Variants in TENM3 observed in about 807,000 individuals in gnomAD.
TENM3 encodes teneurin-3.
A neutral mutation model predicts 255.1 loss-of-function variants in TENM3; 63 were observed. The ratio of observed to expected loss-of-function variants is 0.25; its 90% CI spans 0.20 to 0.30. The LOEUF is 0.30. Ranked by LOEUF, TENM3 falls within the 10% of genes least tolerant of loss-of-function variation. The pLI, the probability that TENM3 is intolerant of heterozygous loss-of-function variation, is 1.00. For missense variants in TENM3, 2,929 were observed against 3,461.1 expected, an observed-to-expected ratio of 0.85 and a Z score of 3.86; for synonymous variants, 1,306 against 1,322.3, an observed-to-expected ratio of 0.99 and a Z score of 0.27.
intron 1 of TENM3, among the ~76,000 whole-genome samples, chr4:182,316,352 G>A (rs767372675): frequency 6.6e-6 from 1 of 151,988 alleles, no homozygotes; most frequent in Non-Finnish European, 1.5e-5. Context: ...GCCCAGTGAA[G>A]TATGAATTTT....
At chr4:182,245,066 C>T (rs907437480) in intron 1 of TENM3, among the ~76,000 whole-genome samples, 3 of 152,076 alleles carry the variant, frequency 2.0e-5, no homozygotes, top group Admixed American at 6.5e-5. Flanking sequence ...TCAAAACAAT[C>T]GAGTGTTAGG....
the TENM3 span, among the ~76,000 whole-genome samples, chr4:181,536,279 C>T: frequency 6.1e-3 from 936 of 152,214 alleles, 6 homozygotes; most frequent in African/African-American, 0.021. Context: ...TTTGTGTTCC[C>T]GCATGAGGAG....
intron 3 of TENM3, among the ~76,000 whole-genome samples, chr4:182,425,257 A>G (rs1771116795): frequency 6.6e-6 from 1 of 152,172 alleles, no homozygotes; most frequent in African/African-American, 2.4e-5. Context: ...CAATATGTTC[A>G]TTATTTTTAT....
At chr4:181,944,425 A>G in the TENM3 span, among the ~76,000 whole-genome samples, 1 of 150,708 alleles carries the variant, frequency 6.6e-6, no homozygotes, top group Non-Finnish European at 1.5e-5. Context: ...GAGCACCCAC[A>G]CTGGCGAAGG....
intron 1 of TENM3, among the ~76,000 whole-genome samples, chr4:182,206,276 C>A (rs1276019248): frequency 6.6e-6 from 1 of 152,176 alleles, no homozygotes; most frequent in Non-Finnish European, 1.5e-5. Flanking sequence ...GCTCTATTGT[C>A]AGATTTGTTT....
the TENM3 span, among the ~76,000 whole-genome samples, chr4:181,579,926 T>C: frequency 6.6e-6 from 1 of 151,186 alleles, no homozygotes; most frequent in African/African-American, 2.4e-5. Context: ...CTAGGAGAAG[T>C]ACCTACAATT....
intron 3 of TENM3, among the ~76,000 whole-genome samples, chr4:182,485,830 G>A (rs1424012480): frequency 6.6e-6 from 1 of 152,166 alleles, no homozygotes; most frequent in East Asian, 1.9e-4. Flanking sequence ...ATTCAGAAAT[G>A]CAGTCAAGGA....
chr4:181,775,974 G>T, the TENM3 span, among the ~76,000 whole-genome samples: 1 of 152,012 alleles, frequency 6.6e-6, no homozygotes, highest in Non-Finnish European at 1.5e-5. Flanking sequence ...ATACTTTGTT[G>T]TTAACTATAG....
chr4:182,368,400 G>C (rs1415864677), intron 3 of TENM3, among the ~76,000 whole-genome samples: 1 of 152,094 alleles, frequency 6.6e-6, no homozygotes, highest in African/African-American at 2.4e-5. Flanking sequence ...CTGACCAGTG[G>C]GCCCTTTTAT....
the TENM3 span, among the ~76,000 whole-genome samples, chr4:181,852,649 A>G: frequency 1.3e-5 from 2 of 152,232 alleles, no homozygotes; most frequent in Admixed American, 1.3e-4. Flanking sequence ...CTCTTAAAAG[A>G]GGTAATGTCT....
At chr4:181,656,225 G>C in the TENM3 span, among the ~76,000 whole-genome samples, 1 of 152,106 alleles carries the variant, frequency 6.6e-6, no homozygotes, top group Non-Finnish European at 1.5e-5. Flanking sequence ...GGGAAATGGA[G>C]CCCCAGGCCA....
the TENM3 span, among the ~76,000 whole-genome samples, chr4:181,746,975 T>C: frequency 1.3e-5 from 2 of 152,140 alleles, no homozygotes; most frequent in African/African-American, 2.4e-5. Context: ...AGTGTGGTTA[T>C]ATATCTCTGC....
chr4:181,942,378 T>C, the TENM3 span, among the ~76,000 whole-genome samples: 15 of 149,902 alleles, frequency 1.0e-4, no homozygotes, highest in African/African-American at 3.7e-4. Context: ...TATCTGATAA[T>C]CTCTGTGACA....
rs779542999 is a variant in TENM3 at position 182,754,665 on chromosome 4, C to G, written c.4298C>G (p.Thr1433Arg). The G allele has an allele frequency of 1.9e-6, 3 of 1,614,044 alleles. No homozygotes were observed. The change falls in exon 22 of 28, where the codon ACA becomes AGA. Residue 1433 changes from threonine to arginine, a missense_variant. Physicochemically the swap from Thr to Arg is moderately conservative, Grantham distance 71. Around this residue, in one of 6 missense-constraint regions of TENM3, gnomAD observed 1,608 missense variants for 1,884.4 expected, o/e 0.85. Transcript: ENST00000511685. The surrounding 1 kb of genome is among the most constrained non-coding windows in gnomAD (Gnocchi z 5.1). The part of the protein sequence containing the change: ...EKKINRIRQV[T>R]TDGEISLVAG... ...AAAATTAACCGGATAAGGCAGGTCA[C>G]AACAGATGGAGAAATCTCCTTAGTG...
chr4:181,628,698 T>C, the TENM3 span, among the ~76,000 whole-genome samples: 1 of 152,218 alleles, frequency 6.6e-6, no homozygotes, highest in East Asian at 1.9e-4. Context: ...TCTATATCTC[T>C]GTTTTGGTAC....
At chr4:181,794,569 C>T in the TENM3 span, among the ~76,000 whole-genome samples, 1 of 151,802 alleles carries the variant, frequency 6.6e-6, no homozygotes, top group African/African-American at 2.4e-5. Context: ...GCTTATTTCA[C>T]TTAACATACT....
chr4:182,096,933 CT>C, the TENM3 span, among the ~76,000 whole-genome samples: 2 of 152,172 alleles, frequency 1.3e-5, no homozygotes, highest in African/African-American at 4.8e-5. Context: ...AAGACATCCA[CT>C]TTTGTAATGG....
At position 182,743,286 on chromosome 4, in the gene TENM3, C is replaced by G. The variant is rs1206332499; in HGVS notation, c.3496C>G (p.Gln1166Glu). 1.2e-6 allele frequency: 2 copies of G among 1,613,868 alleles called. No individual in the cohort carries two copies. Among genetic ancestry groups the G allele is most frequent in the Admixed American group, 1.7e-5 (1 of 59,996 alleles). The change falls in exon 19 of 28, where the codon CAA becomes GAA. Residue 1166 changes from glutamine to glutamate, a missense_variant. Physicochemically the swap from Gln to Glu is conservative, Grantham distance 29. Coordinates refer to ENST00000511685, the MANE Select transcript of TENM3 (RefSeq NM_001080477.4). ...CATTTCCTGCCCCAGTTGCAATGGT[C>G]AAGCTGATGGTAACAAGTTACTGGC... is the stretch of plus-strand genomic sequence containing the variant. ...RSISCPSCNG[Q>E]ADGNKLLAPV... is the part of the protein sequence containing the mutation.
the TENM3 span, among the ~76,000 whole-genome samples, chr4:181,561,096 G>A: frequency 6.6e-6 from 1 of 152,118 alleles, no homozygotes; most frequent in Admixed American, 6.5e-5. Flanking sequence ...GGGATTTCGG[G>A]TGTGTGCCAC....
Sources: gnomAD v4.1 joint callset for allele counts (sites outside exome capture counted in the v4.1 genomes callset) on GRCh38, gnomAD v4.1.1 for gene constraint, gnomAD v4.1.1 regional missense constraint, Gnocchi (gnomAD v3.1) non-coding constraint, MANE v1.5 for transcripts, NCBI Gene and HGNC (gene_info 2026-07-23, HGNC 2026-07-21) for gene names.